HHIP: variants seen among roughly 807,000 people sequenced by gnomAD.
HHIP encodes the protein hedgehog interacting protein.
HHIP carries 12 observed loss-of-function variants against 74.0 expected under a neutral mutation model. That is an observed-to-expected ratio of 0.16 (90% CI 0.10 to 0.26). The LOEUF is 0.26. Among genes scored for constraint, HHIP ranks in the 10% least tolerant of loss-of-function variants. The pLI, the probability that HHIP is intolerant of heterozygous loss-of-function variation, is 1.00. For missense variants in HHIP, 788 were observed against 845.0 expected, an observed-to-expected ratio of 0.93 and a Z score of 0.84; for synonymous variants, 309 against 311.6, an observed-to-expected ratio of 0.99 and a Z score of 0.09.
intron 11 of HHIP, among the ~76,000 whole-genome samples, chr4:144,723,074 A>G (rs955469852): frequency 2.6e-5 from 4 of 152,088 alleles, no homozygotes; most frequent in African/African-American, 9.7e-5. Context: ...AAACCAAATG[A>G]CTTTTTTTGA....
chr4:144,733,599 G>A (rs1038440170), intron 11 of HHIP, among the ~76,000 whole-genome samples: 1 of 152,230 alleles, frequency 6.6e-6, no homozygotes, highest in Admixed American at 6.5e-5. Context: ...ACCTCTTGAG[G>A]TTTTGACCTG....
chr4:144,675,733 A>C (rs71614518), intron 4 of HHIP, among the ~76,000 whole-genome samples: 4,036 of 152,272 alleles, frequency 0.027, 76 homozygotes, highest in Non-Finnish European at 0.036. Flanking sequence ...TTAATGAAAT[A>C]TTACTGAAAA....
intron 4 of HHIP, among the ~76,000 whole-genome samples, chr4:144,665,346 C>T (rs1251588163): frequency 2.0e-5 from 3 of 152,108 alleles, no homozygotes; most frequent in Non-Finnish European, 4.4e-5. Flanking sequence ...TAGGATTCCA[C>T]CACACTTGGC....
At chr4:144,715,090 C>T in intron 9 of HHIP, 2 of 429,918 alleles carry the variant, frequency 4.7e-6, no homozygotes, top group Non-Finnish European at 8.6e-6. Flanking sequence ...TTAGTGCCCC[C>T]TCCAAACAAA....
At chr4:144,674,321 C>T (rs1245914925) in intron 4 of HHIP, among the ~76,000 whole-genome samples, 1 of 152,156 alleles carries the variant, frequency 6.6e-6, no homozygotes. Flanking sequence ...TGTGCGAAGG[C>T]CATCTCTGCT....
intron 4 of HHIP, among the ~76,000 whole-genome samples, chr4:144,665,916 A>G (rs1480943283): frequency 2.0e-5 from 3 of 152,172 alleles, no homozygotes; most frequent in Non-Finnish European, 4.4e-5. Context: ...TTTACCTAAG[A>G]TTTGAAGGGC....
intron 12 of HHIP, 38 bp downstream of exon 12, chr4:144,734,927 T>C (rs1442536085): frequency 6.4e-7 from 1 of 1,567,234 alleles, no homozygotes; most frequent in Admixed American, 1.7e-5. Flanking sequence ...GGACTGGGGA[T>C]GAGCCAATCC....
intron 2 of HHIP, among the ~76,000 whole-genome samples, chr4:144,656,762 G>C (rs2126584254): frequency 6.6e-6 from 1 of 152,088 alleles, no homozygotes; most frequent in East Asian, 1.9e-4. Flanking sequence ...ACAAGATCTA[G>C]CCCAAAACTG....
chr4:144,728,863 T>C (rs140920370), intron 11 of HHIP, among the ~76,000 whole-genome samples: 1 of 152,284 alleles, frequency 6.6e-6, no homozygotes, highest in Non-Finnish European at 1.5e-5. Context: ...CGGCGAAATT[T>C]AGTTTGTATA....
At chr4:144,722,923 T>C (rs1319675913) in intron 11 of HHIP, among the ~76,000 whole-genome samples, 1 of 152,172 alleles carries the variant, frequency 6.6e-6, no homozygotes, top group Non-Finnish European at 1.5e-5. Flanking sequence ...CTAAATCCTT[T>C]CAGAATTACA....
chr4:144,700,941 T>C (rs1379915361), intron 4 of HHIP, among the ~76,000 whole-genome samples: 2 of 152,176 alleles, frequency 1.3e-5, no homozygotes, highest in Non-Finnish European at 2.9e-5. Flanking sequence ...GATCAGCAAA[T>C]AGTTCCAGTC....
chr4:144,671,053 G>C (rs1729024179), intron 4 of HHIP, among the ~76,000 whole-genome samples: 2 of 152,040 alleles, frequency 1.3e-5, no homozygotes, highest in Non-Finnish European at 2.9e-5. Flanking sequence ...GGTTGAAAAA[G>C]TCACATAGTT....
Position 144,730,541 on chromosome 4 carries a change from G to A in HHIP, c.1761-4200G>A, listed in dbSNP as rs143062631. 1.3e-3 allele frequency among the ~76,000 whole-genome samples: 204 copies of A among 152,170 alleles called. 2 individuals are homozygous for A. The highest frequency in any genetic ancestry group is 4.5e-3 in the African/African-American group (186 of 41,540). ...AAGAGTTATTGTTTAAAAGAAGAAC[G>A]AGACAATTTAAATGATTCTTATTAG... On this transcript the variant is annotated intron_variant, in intron 11 of 12. Transcript: ENST00000296575.
intron 2 of HHIP, among the ~76,000 whole-genome samples, chr4:144,653,755 T>A (rs981231159): frequency 2.0e-5 from 3 of 152,158 alleles, no homozygotes; most frequent in African/African-American, 7.2e-5. Context: ...AAGTGTAGAC[T>A]TTTGTATTTT....
At chr4:144,666,265 G>A (rs931052173) in intron 4 of HHIP, among the ~76,000 whole-genome samples, 4 of 148,372 alleles carry the variant, frequency 2.7e-5, no homozygotes, top group African/African-American at 1.0e-4. Context: ...GTGTGTGTGT[G>A]TGTGTGTGTG....
At chr4:144,730,029 T>A (rs1730910154) in intron 11 of HHIP, among the ~76,000 whole-genome samples, 1 of 152,212 alleles carries the variant, frequency 6.6e-6, no homozygotes, top group Non-Finnish European at 1.5e-5. Context: ...ACTGATTTAT[T>A]TGTTCATCCC....
Position 144,652,708 on chromosome 4 carries a change from G to C in HHIP, c.383G>C (p.Arg128Thr). ...HSQSLFHSPE[R>T]EVLERDLVLP... ...CAAAGCCTGTTCCACTCACCTGAGA[G>C]AGAAGTCTTGGAAAGAGACCTAGTA... Residue 128 changes from arginine to threonine, a missense_variant, in exon 2 of 13, where the codon AGA (arginine) becomes ACA (threonine). Transcript: ENST00000296575. The C allele has an allele frequency of 6.2e-7, 1 of 1,612,680 alleles. No homozygotes were observed.
intron 2 of HHIP, among the ~76,000 whole-genome samples, chr4:144,655,951 T>A (rs767815109): frequency 6.6e-6 from 1 of 152,120 alleles, no homozygotes; most frequent in African/African-American, 2.4e-5. Flanking sequence ...TCCAAGATAG[T>A]TGATAAATGA....
At chr4:144,694,909 A>C (rs2126639300) in intron 4 of HHIP, among the ~76,000 whole-genome samples, 1 of 151,946 alleles carries the variant, frequency 6.6e-6, no homozygotes, top group African/African-American at 2.4e-5. Flanking sequence ...GTAATTCCAT[A>C]AAATTAACTT....
Sources: allele counts gnomAD v4.1 joint callset (sites outside exome capture counted in the v4.1 genomes callset), GRCh38; gene constraint gnomAD v4.1.1; transcripts MANE v1.5; gene names NCBI Gene and HGNC (gene_info 2026-07-23, HGNC 2026-07-21).